The following SYCP2L variants were observed in gnomAD, a reference collection of about 807,000 sequenced individuals.
The protein encoded by SYCP2L is synaptonemal complex protein 2-like.
A neutral mutation model predicts 125.8 loss-of-function variants in SYCP2L; 98 were observed. The ratio of observed to expected loss-of-function variants is 0.78; its 90% CI spans 0.66 to 0.92. The LOEUF (loss-of-function observed/expected upper bound fraction) is 0.92, where lower values mean the gene tolerates loss of function less well. SYCP2L is among the 40% of genes least tolerant of loss of function. SYCP2L has a pLI of 0.00. For missense variants in SYCP2L, 842 were observed against 936.4 expected, an observed-to-expected ratio of 0.90 and a Z score of 1.32; for synonymous variants, 317 against 325.4, an observed-to-expected ratio of 0.97 and a Z score of 0.28.
intron 6 of SYCP2L, among the ~76,000 whole-genome samples, chr6:10,899,750 A>T (rs1022290206): frequency 2.6e-5 from 4 of 152,192 alleles, no homozygotes; most frequent in Non-Finnish European, 4.4e-5. Flanking sequence ...TCAGTACCAG[A>T]AGCTTAAGCA....
intron 23 of SYCP2L, among the ~76,000 whole-genome samples, chr6:10,943,049 G>A (rs989592357): frequency 3.9e-5 from 6 of 152,120 alleles, no homozygotes; most frequent in African/African-American, 1.4e-4. Flanking sequence ...CACAGTGGCG[G>A]TACTTTGCTA....
chr6:10,954,663 C>T lies in SYCP2L; in HGVS notation c.1955-453C>T, dbSNP rs748572933. 6.6e-6 allele frequency among the ~76,000 whole-genome samples: 1 copy of T among 152,170 alleles called. No individual in the cohort carries two copies. Among genetic ancestry groups the T allele is most frequent in the African/African-American group, 2.4e-5 (1 of 41,436 alleles). ...GAGCTGTGAGGAGGCAAGATGGCCT[C>T]GTTTATGACGTAGCCTTCAGCATAG... On this transcript the variant is annotated intron_variant, in intron 23 of 29. Coordinates refer to ENST00000283141, the MANE Select transcript of SYCP2L (RefSeq NM_001040274.3). The surrounding 1 kb of genome is among the most constrained non-coding windows in gnomAD (Gnocchi z 4.8).
At position 10,931,446 on chromosome 6, in the gene SYCP2L, C is replaced by A; in HGVS notation, c.1640C>A (p.Pro547Gln). ...TTGTTTTCTTTCAATTTAGTCTTGC[C>A]AGTTTTCCCTCCCAGTAGTGGCAGT... ...TRTRSNLRILPVFPPSSGSGH... is the reference protein window; with the variant it reads ...TRTRSNLRILQVFPPSSGSGH... The change falls in exon 20 of 30, where the codon CCA (proline) becomes CAA (glutamine). Residue 547 changes from proline to glutamine, a missense_variant. Coordinates refer to ENST00000283141, the MANE Select transcript of SYCP2L (RefSeq NM_001040274.3). The A allele has an allele frequency of 6.2e-7, 1 of 1,614,054 alleles. No individual in the cohort carries two copies. Among genetic ancestry groups the A allele is most frequent in the Non-Finnish European group, 8.5e-7 (1 of 1,179,936 alleles).
In SYCP2L at chr6:10,942,119, A is replaced by G. The variant is rs1193769015; in HGVS notation, c.1814-340A>G. 5.8e-5 allele frequency among the ~76,000 whole-genome samples: 7 copies of G among 121,720 alleles called. No homozygotes were observed. In the Admixed American group the frequency reaches 6.2e-4, roughly 11 times the overall value. 79.9% of individuals were successfully genotyped at this position (121,720 alleles called of 152,430 possible). On this transcript the variant is annotated intron_variant, in intron 21 of 29. Transcript: ENST00000283141. ...CAATGAGAACACATGGACACAGGAAAGGGAACATCACACACTGGGGCCTGT... is the reference window on the plus strand; with the variant it reads ...CAATGAGAACACATGGACACAGGAAGGGGAACATCACACACTGGGGCCTGT...
chr6:10,933,572 C>T (rs1225903407), intron 20 of SYCP2L, among the ~76,000 whole-genome samples: 1 of 152,160 alleles, frequency 6.6e-6, no homozygotes, highest in Non-Finnish European at 1.5e-5. Context: ...CTAGACCACA[C>T]TTCGAGACCA....
At chr6:10,923,690 T>C (rs1321230068) in intron 14 of SYCP2L, among the ~76,000 whole-genome samples, 24 of 140,076 alleles carry the variant, frequency 1.7e-4, no homozygotes, top group Non-Finnish European at 1.2e-4. Flanking sequence ...TTTCTTTTTT[T>C]TTTTTTTTCT....
intron 2 of SYCP2L, among the ~76,000 whole-genome samples, chr6:10,892,114 G>A (rs1268675159): frequency 3.3e-5 from 5 of 152,208 alleles, no homozygotes; most frequent in African/African-American, 1.2e-4. Context: ...CAGCCATGTG[G>A]AAAGTGGTGG....
intron 21 of SYCP2L, among the ~76,000 whole-genome samples, chr6:10,939,867 T>A (rs904135432): frequency 1.3e-5 from 2 of 152,150 alleles, no homozygotes; most frequent in Admixed American, 1.3e-4. Flanking sequence ...ACTAAAAATC[T>A]TGTGCACAGC....
In SYCP2L at chr6:10,935,048, T is replaced by C. The variant is rs1195907368; in HGVS notation, c.1684-10T>C. 6.3e-7 allele frequency: 1 copy of C among 1,581,190 alleles called. No individual in the cohort carries two copies. ...GAATGTTAACACTTAAAAAAGATAC[T>C]ATATTTTAGGCTAAGCTTCTATCAC... On this transcript the variant is annotated splice_polypyrimidine_tract_variant and intron_variant, in intron 20 of 29. Coordinates refer to ENST00000283141, the MANE Select transcript of SYCP2L (RefSeq NM_001040274.3).
At chr6:10,935,003 G>T in intron 20 of SYCP2L, 55 bp from the exon 21 acceptor site, 1 of 1,439,246 alleles carries the variant, frequency 6.9e-7, no homozygotes. Flanking sequence ...ACAATATTTT[G>T]ATAACTTGTT....
Position 10,893,989 on chromosome 6 carries a change from C to T in SYCP2L, c.201C>T (p.Asp67=). ...KYNRLLLYRL[D]RSINKELDKN... ...ATCGTCTTCTATTATACCGTCTTGA[C>T]AGATCAATAAATAAGGCAAGTTGGT... is the stretch of plus-strand genomic sequence containing the variant. The change falls in exon 3 of 30, where the codon GAC becomes GAT. Residue 67 remains aspartate (D), a synonymous_variant. Coordinates refer to ENST00000283141, the MANE Select transcript of SYCP2L (RefSeq NM_001040274.3). 1 of 1,606,564 alleles carries T rather than the reference C, an allele frequency of 6.2e-7. No homozygotes were observed. The highest frequency in any genetic ancestry group is 8.5e-7 in the Non-Finnish European group (1 of 1,178,294).
intron 14 of SYCP2L, among the ~76,000 whole-genome samples, chr6:10,921,981 A>G (rs1213547658): frequency 6.6e-6 from 1 of 152,196 alleles, no homozygotes; most frequent in Non-Finnish European, 1.5e-5. Flanking sequence ...GCTGGATTAC[A>G]GGCGTGAGCC....
At chr6:10,897,728 T>C (rs1780281942) in intron 4 of SYCP2L, among the ~76,000 whole-genome samples, 2 of 152,300 alleles carry the variant, frequency 1.3e-5, no homozygotes, top group South Asian at 4.1e-4. Flanking sequence ...ATCTCTTAAA[T>C]GTTCCTCACT....
chr6:10,939,321 A>G (rs1781171284), intron 21 of SYCP2L, among the ~76,000 whole-genome samples: 1 of 152,204 alleles, frequency 6.6e-6, no homozygotes, highest in South Asian at 2.1e-4. Flanking sequence ...TACAGATTCA[A>G]TTCAACTGCT....
At chr6:10,906,601 CTTTTTT>C (rs34420052) in intron 9 of SYCP2L, among the ~76,000 whole-genome samples, 1 of 144,050 alleles carries the variant, frequency 6.9e-6, no homozygotes, top group Non-Finnish European at 1.5e-5. Context: ...GTAGTAGAAA[CTTTTTT>C]TTTTTTTTTG....
chr6:10,914,738 G>GTTT (rs34095541), intron 14 of SYCP2L, among the ~76,000 whole-genome samples: 15 of 107,778 alleles, frequency 1.4e-4, no homozygotes, highest in East Asian at 7.3e-4. Flanking sequence ...ATATCCCTAA[G>GTTT]TTTTTTTTTT....
intron 8 of SYCP2L, among the ~76,000 whole-genome samples, chr6:10,905,413 C>T (rs1380199598): frequency 6.6e-6 from 1 of 151,954 alleles, no homozygotes; most frequent in Non-Finnish European, 1.5e-5. Flanking sequence ...CTGCCTCAGC[C>T]TCCCGAGTAG....
intron 23 of SYCP2L, among the ~76,000 whole-genome samples, chr6:10,952,400 A>G (rs1044893554): frequency 6.6e-6 from 1 of 152,192 alleles, no homozygotes; most frequent in African/African-American, 2.4e-5. Context: ...TAGGTTCACA[A>G]ATTCCGCATA....
intron 21 of SYCP2L, among the ~76,000 whole-genome samples, chr6:10,938,916 C>G (rs890374089): frequency 1.3e-5 from 2 of 152,024 alleles, no homozygotes; most frequent in Admixed American, 1.3e-4. Context: ...GTCAGGAGAT[C>G]GAGACCATCC....
Sources: gnomAD v4.1 joint callset for allele counts (sites outside exome capture counted in the v4.1 genomes callset) on GRCh38, gnomAD v4.1.1 for gene constraint, Gnocchi (gnomAD v3.1) non-coding constraint, MANE v1.5 for transcripts, NCBI Gene and HGNC (gene_info 2026-07-23, HGNC 2026-07-21) for gene names.